CACNA1B: variants seen among roughly 807,000 people sequenced by gnomAD.
CACNA1B encodes calcium voltage-gated channel subunit alpha1 B.
CACNA1B carries 70 observed loss-of-function variants against 247.2 expected under a neutral mutation model. The observed-to-expected ratio is 0.28, with a 90% CI of 0.23 to 0.35. The LOEUF is 0.35. Among genes scored for constraint, CACNA1B ranks in the 10% least tolerant of loss-of-function variants. The probability of loss-of-function intolerance (pLI) is 1.00; values close to 1 mark genes in which losing one functional copy is unlikely to be tolerated. For synonymous variants in CACNA1B, 1,231 were observed against 1,294.4 expected (o/e 0.95, Z 1.05); for missense variants, 2,367 against 3,197.4 (o/e 0.74, Z 6.26).
At chr9:138,044,505 T>A (rs7021328) in intron 21 of CACNA1B, among the ~76,000 whole-genome samples, 22,596 of 152,190 alleles carry the variant, frequency 0.15, 4,635 homozygotes, top group African/African-American at 0.46. Flanking sequence ...ATGCAGATAG[T>A]GTTAAGTACT....
chr9:137,921,482 A>ACG (rs1296785138), intron 6 of CACNA1B, among the ~76,000 whole-genome samples: 1 of 97,092 alleles, frequency 1.0e-5, no homozygotes, highest in African/African-American at 4.1e-5. Context: ...TCAGCACTGC[A>ACG]GCCGCGCAGC....
In CACNA1B at chr9:137,882,421, A is replaced by G. The variant is rs1170716182; in HGVS notation, c.391-323A>G. Among the ~76,000 whole-genome samples the G allele has an allele frequency of 2.0e-5, 3 of 152,186 alleles. No individual in the cohort carries two copies. The highest frequency in any genetic ancestry group is 7.2e-5 in the African/African-American group (3 of 41,448). ...GCAAGGCCCACTGCATGGTGCTAGC[A>G]GGGAGATTGGGGCCCCACTGTGACG... On this transcript the variant is annotated intron_variant, in intron 2 of 46. Transcript: ENST00000371372. The surrounding 1 kb of genome is among the most constrained non-coding windows in gnomAD (Gnocchi z 4.0).
intron 12 of CACNA1B, among the ~76,000 whole-genome samples, chr9:137,978,226 C>G (rs1353072045): frequency 7.2e-6 from 1 of 138,134 alleles, no homozygotes; most frequent in East Asian, 2.3e-4. Flanking sequence ...GATCACTACT[C>G]CCCCAGGAAG....
At position 138,053,657 on chromosome 9, in the gene CACNA1B, C is replaced by A. The variant is rs114587033; in HGVS notation, c.3808-189C>A. 0.045 allele frequency among the ~76,000 whole-genome samples: 6,478 copies of A among 143,390 alleles called. 518 individuals carry two copies. The highest frequency in any genetic ancestry group is 0.16 in the African/African-American group (6,093 of 38,294). The allele number at this position is 143,390 out of a possible 152,430, so 94.1% of individuals were successfully genotyped here. A position where few individuals can be genotyped will look rare whatever the true frequency, so the allele number is the denominator to read the frequency against. On this transcript the variant is annotated intron_variant, in intron 25 of 46. Transcript: ENST00000371372. ...CACCACCCTTCCCCTCATGGCCCCACCCTCCCACCATGGCTCCACCCCTTT... is the reference window on the plus strand; with the variant it reads ...CACCACCCTTCCCCTCATGGCCCCAACCTCCCACCATGGCTCCACCCCTTT...
Position 138,057,683 on chromosome 9 carries a change from T to C in CACNA1B, c.3969-49T>C. On this transcript the variant is annotated intron_variant, in intron 26 of 46. Coordinates refer to ENST00000371372, the MANE Select transcript of CACNA1B (RefSeq NM_000718.4). The surrounding 1 kb of genome is among the most constrained non-coding windows in gnomAD (Gnocchi z 4.0). ...TCAACACTCTTGATAGGTGGGTTTA[T>C]TTGGATCTTTTGTCTTTGCCCTCTA... The C allele has an allele frequency of 6.4e-7, 1 of 1,566,674 alleles. No individual in the cohort carries two copies. Among genetic ancestry groups the C allele is most frequent in the Non-Finnish European group, 8.7e-7 (1 of 1,146,312 alleles).
chr9:138,027,086 A>T (rs748115594), intron 20 of CACNA1B, among the ~76,000 whole-genome samples: 9 of 152,174 alleles, frequency 5.9e-5, no homozygotes, highest in African/African-American at 2.2e-4. Flanking sequence ...TTCCTATTCA[A>T]ATCTTTTACC....
At chr9:137,878,415 G>A (rs1040542423) in intron 1 of CACNA1B, among the ~76,000 whole-genome samples, 198 bp downstream of exon 1, 9 of 152,068 alleles carry the variant, frequency 5.9e-5, no homozygotes, top group African/African-American at 1.7e-4. Flanking sequence ...GCGCGGGGCG[G>A]AGCCCCTCTG....
Position 138,020,539 on chromosome 9 carries a change from TA to T in CACNA1B, c.2268-2471del, listed in dbSNP as rs1372059767. Among the ~76,000 whole-genome samples, 3 of 152,114 alleles carry T rather than the reference TA, an allele frequency of 2.0e-5. No homozygotes were observed. The highest frequency in any genetic ancestry group is 4.1e-4 in the South Asian group (2 of 4,820). ...CACGCAGATTCAGAGACCTAGGGGA[TA>T]CCTCCAGAGAGGAACTTGGTGGTGC... On this transcript the variant is annotated intron_variant, in intron 18 of 46. Coordinates refer to ENST00000371372, the MANE Select transcript of CACNA1B (RefSeq NM_000718.4). This position sits in a 1 kb window ranked among gnomAD's most constrained non-coding sequence, Gnocchi z 4.1.
At position 138,123,049 on chromosome 9, in the gene CACNA1B, G is replaced by C. The variant is rs116066034; in HGVS notation, c.*1050G>C. 6.6e-6 allele frequency: 1 copy of C among 152,274 alleles called. No individual in the cohort carries two copies. Among genetic ancestry groups the C allele is most frequent in the African/African-American group, 2.4e-5 (1 of 41,466 alleles). 9.4% of individuals were successfully genotyped at this position (152,274 alleles called of 1,614,324 possible). Reference sequence around the variant, plus strand: ...AGGAAGCCACAGGGCAGCTGACCACGTGCTTGTGTGAGGCATTTTCAGTCT... The same window carrying C: ...AGGAAGCCACAGGGCAGCTGACCACCTGCTTGTGTGAGGCATTTTCAGTCT... On this transcript the variant is annotated 3_prime_UTR_variant, in exon 47 of 47. Transcript: ENST00000371372.
chr9:137,984,548 T>C (rs1958333943), intron 13 of CACNA1B, among the ~76,000 whole-genome samples: 1 of 152,170 alleles, frequency 6.6e-6, no homozygotes, highest in South Asian at 2.1e-4. Flanking sequence ...TTCCCAGCCT[T>C]CAAAGGTGAC....
intron 39 of CACNA1B, among the ~76,000 whole-genome samples, chr9:138,109,314 C>A (rs975494804): frequency 1.3e-5 from 2 of 152,152 alleles, no homozygotes; most frequent in African/African-American, 4.8e-5. Flanking sequence ...CTTGACATGC[C>A]GTTTTAGCTT....
rs529737667 is a variant in CACNA1B at position 137,908,287 on chromosome 9, G to A, written c.531-4893G>A. On this transcript the variant is annotated intron_variant, in intron 3 of 46. Coordinates refer to ENST00000371372, the MANE Select transcript of CACNA1B (RefSeq NM_000718.4). ...TCCCAGTACTTTGGGAGGCTGAGGC[G>A]GGCGGATCACCTGAGGTCAGGAGTT... Among the ~76,000 whole-genome samples the A allele has an allele frequency of 1.1e-4, 17 of 152,212 alleles. No homozygotes were observed. The South Asian group carries it at 2.7e-3, about 24-fold the overall frequency.
At chr9:138,034,707 A>G (rs957932438) in intron 20 of CACNA1B, among the ~76,000 whole-genome samples, 5 of 152,088 alleles carry the variant, frequency 3.3e-5, no homozygotes, top group African/African-American at 1.2e-4. Flanking sequence ...CTCAGGTCCC[A>G]AGGTCCCTAG....
At chr9:137,977,572 G>T (rs1958235005) in intron 12 of CACNA1B, among the ~76,000 whole-genome samples, 1 of 152,180 alleles carries the variant, frequency 6.6e-6, no homozygotes, top group Non-Finnish European at 1.5e-5. Flanking sequence ...GAATCTTCTG[G>T]ATTCTCAGAC....
intron 3 of CACNA1B, among the ~76,000 whole-genome samples, chr9:137,910,409 A>G (rs1291832751): frequency 2.0e-5 from 3 of 152,198 alleles, no homozygotes; most frequent in Admixed American, 6.5e-5. Context: ...CACTGGGCTC[A>G]TGGAAGACAA....
At chr9:138,075,140 G>T (rs10867104) in intron 34 of CACNA1B, among the ~76,000 whole-genome samples, 1 of 152,116 alleles carries the variant, frequency 6.6e-6, no homozygotes, top group African/African-American at 2.4e-5. Flanking sequence ...GTGTTTCAAA[G>T]GTTCACGGAA....
chr9:138,116,188 A>G (rs1961862256), intron 42 of CACNA1B, among the ~76,000 whole-genome samples: 1 of 152,116 alleles, frequency 6.6e-6, no homozygotes, highest in African/African-American at 2.4e-5. Context: ...CCTTTCTGTC[A>G]ATGGCCTTCT....
rs1440527461 is a variant in CACNA1B, at chr9:137,919,376, G to A, written c.966+1945G>A. On this transcript the variant is annotated intron_variant, in intron 6 of 46. Coordinates refer to ENST00000371372, the MANE Select transcript of CACNA1B (RefSeq NM_000718.4). This position sits in a 1 kb window ranked among gnomAD's most constrained non-coding sequence, Gnocchi z 4.6. ...TACTGGGAGGGCAAGGCCTGGTGAG[G>A]TCTAGAAACCAGACATGCAGATGCT... Among the ~76,000 whole-genome samples the A allele has an allele frequency of 6.6e-6, 1 of 152,258 alleles. No individual in the cohort carries two copies. The highest frequency in any genetic ancestry group is 1.5e-5 in the Non-Finnish European group (1 of 68,054).
chr9:137,884,968 C>CCG (rs1956987783), intron 3 of CACNA1B, among the ~76,000 whole-genome samples: 1 of 111,114 alleles, frequency 9.0e-6, no homozygotes, highest in Admixed American at 8.8e-5. Context: ...CCCCCCCCCC[C>CCG]TCCTCCCACT....
Sources: gnomAD v4.1 joint callset for allele counts (sites outside exome capture counted in the v4.1 genomes callset) on GRCh38, gnomAD v4.1.1 for gene constraint, Gnocchi (gnomAD v3.1) non-coding constraint, MANE v1.5 for transcripts, NCBI Gene and HGNC (gene_info 2026-07-23, HGNC 2026-07-21) for gene names.